RBFOX1: variants seen among roughly 807,000 people sequenced by gnomAD.
RBFOX1 encodes the protein RNA binding protein fox-1 homolog 1.
RBFOX1 carries 8 observed loss-of-function variants against 57.7 expected under a neutral mutation model. The ratio of observed to expected loss-of-function variants is 0.14; its 90% CI spans 0.08 to 0.25. The LOEUF is 0.25. Ranked by LOEUF, RBFOX1 falls within the 10% of genes least tolerant of loss-of-function variation. RBFOX1 has a pLI of 1.00. For synonymous variants in RBFOX1, 326 were observed against 222.4 expected (o/e 1.47, Z -4.15); for missense variants, 611 against 548.5 (o/e 1.11, Z -1.14).
rs537582848 is a variant in RBFOX1, at chr16:7,380,689, G to C, written c.28-137458G>C. ...TTGTCTTTGCTAGGACGATAACCCA[G>C]TCGTTTCATACAACTGTTTTCGTTT... On this transcript the variant is annotated intron_variant, in intron 4 of 15. Coordinates refer to ENST00000550418, the MANE Select transcript of RBFOX1 (RefSeq NM_018723.4). 1.1e-4 allele frequency among the ~76,000 whole-genome samples: 16 copies of C among 152,330 alleles called. 1 individual carries two copies. The highest frequency in any genetic ancestry group is 3.4e-3 in the Middle Eastern group (1 of 294).
At chr16:5,521,802 C>T (rs1049975934) in intron 2 of RBFOX1, among the ~76,000 whole-genome samples, 1 of 152,222 alleles carries the variant, frequency 6.6e-6, no homozygotes, top group African/African-American at 2.4e-5. Flanking sequence ...CTATTCTTCT[C>T]CAACATGTCT....
intron 1 of RBFOX1, among the ~76,000 whole-genome samples, chr16:6,049,913 T>C (rs139204525): frequency 6.6e-6 from 1 of 151,854 alleles, no homozygotes; most frequent in African/African-American, 2.4e-5. Flanking sequence ...GATTGATATA[T>C]CTTTAAAAGG....
intron 4 of RBFOX1, among the ~76,000 whole-genome samples, chr16:7,053,168 GT>G: frequency 6.6e-6 from 1 of 152,150 alleles, no homozygotes; most frequent in Non-Finnish European, 1.5e-5. Context: ...TTGGCATCAG[GT>G]TTGTGAAGTA....
intron 2 of RBFOX1, among the ~76,000 whole-genome samples, chr16:6,555,308 T>C (rs928230728): frequency 6.6e-6 from 1 of 152,180 alleles, no homozygotes; most frequent in Non-Finnish European, 1.5e-5. Flanking sequence ...TCAATAGTTA[T>C]AAAACCCATC....
intron 3 of RBFOX1, among the ~76,000 whole-genome samples, chr16:6,928,785 G>C (rs150458939): frequency 6.6e-6 from 1 of 151,940 alleles, no homozygotes; most frequent in African/African-American, 2.4e-5. Flanking sequence ...ATTTCTTTCC[G>C]CTATGAAAAG....
chr16:5,651,693 C>A (rs1408093170), intron 3 of RBFOX1, among the ~76,000 whole-genome samples: 1 of 152,204 alleles, frequency 6.6e-6, no homozygotes, highest in Non-Finnish European at 1.5e-5. Flanking sequence ...CTAACTGATT[C>A]CGCATGGATA....
chr16:6,219,825 G>A (rs1469678300), intron 1 of RBFOX1, among the ~76,000 whole-genome samples: 2 of 152,118 alleles, frequency 1.3e-5, no homozygotes, highest in African/African-American at 4.8e-5. Context: ...GCAGTGAGCC[G>A]AGATTATGCT....
intron 3 of RBFOX1, among the ~76,000 whole-genome samples, chr16:5,649,515 GT>G (rs1252009038): frequency 6.6e-6 from 1 of 152,152 alleles, no homozygotes; most frequent in Non-Finnish European, 1.5e-5. Context: ...CACATTGGCA[GT>G]TGTTATTGGT....
intron 1 of RBFOX1, among the ~76,000 whole-genome samples, chr16:5,268,648 C>G (rs1047915470): frequency 2.0e-5 from 3 of 152,310 alleles, no homozygotes; most frequent in Non-Finnish European, 4.4e-5. Flanking sequence ...GCACTAGAGA[C>G]CAGTCAATGT....
intron 1 of RBFOX1, among the ~76,000 whole-genome samples, chr16:5,374,166 G>C (rs1254376222): frequency 6.6e-6 from 1 of 152,234 alleles, no homozygotes; most frequent in Non-Finnish European, 1.5e-5. Context: ...TTGAACTCCT[G>C]AGCTCAGCTG....
At chr16:6,704,690 A>T (rs1261466416) in intron 3 of RBFOX1, 2 of 152,250 alleles carry the variant, frequency 1.3e-5, no homozygotes, top group African/African-American at 4.8e-5. Flanking sequence ...TCCCAAATCC[A>T]TATATTATTT....
At chr16:5,358,039 G>T (rs984935010) in intron 1 of RBFOX1, among the ~76,000 whole-genome samples, 2 of 152,292 alleles carry the variant, frequency 1.3e-5, no homozygotes, top group East Asian at 3.9e-4. Flanking sequence ...TTTTCACATT[G>T]TTCAGGAGGC....
intron 4 of RBFOX1, among the ~76,000 whole-genome samples, chr16:7,303,263 C>A (rs141500759): frequency 2.0e-5 from 3 of 152,220 alleles, no homozygotes; most frequent in Non-Finnish European, 4.4e-5. Flanking sequence ...ATCGGCGCTT[C>A]GGTGCTCTGC....
intron 4 of RBFOX1, among the ~76,000 whole-genome samples, chr16:7,363,375 C>T (rs2097367971): frequency 1.3e-5 from 2 of 152,102 alleles, no homozygotes; most frequent in African/African-American, 4.8e-5. Flanking sequence ...GGGGGTAAAA[C>T]AAAGCCAATT....
chr16:6,388,893 G>A (rs1442443704), intron 2 of RBFOX1, among the ~76,000 whole-genome samples: 1 of 152,320 alleles, frequency 6.6e-6, no homozygotes, highest in South Asian at 2.1e-4. Flanking sequence ...ACTCACAGAA[G>A]CAGAGAGTAG....
At chr16:5,289,542 C>T (rs115261807) in intron 1 of RBFOX1, 55 of 182,500 alleles carry the variant, frequency 3.0e-4, no homozygotes, top group African/African-American at 1.3e-3. Flanking sequence ...TTGTCTAAAT[C>T]TGTGGTATTA....
At chr16:6,896,980 A>T (rs2067089843) in intron 3 of RBFOX1, among the ~76,000 whole-genome samples, 1 of 152,174 alleles carries the variant, frequency 6.6e-6, no homozygotes, top group South Asian at 2.1e-4. Flanking sequence ...CGTCTAAGGA[A>T]ATGTCGTGGC....
chr16:5,945,939 G>A (rs1057383826), intron 4 of RBFOX1, among the ~76,000 whole-genome samples: 5 of 152,192 alleles, frequency 3.3e-5, no homozygotes, highest in Non-Finnish European at 7.3e-5. Flanking sequence ...GGATTGGTGT[G>A]CTTCACATCC....
intron 4 of RBFOX1, among the ~76,000 whole-genome samples, chr16:7,252,568 A>G (rs2094533912): frequency 1.3e-5 from 2 of 152,228 alleles, no homozygotes; most frequent in South Asian, 4.1e-4. Flanking sequence ...ATCATCCAAT[A>G]TAACAGCAAT....
Sources: allele counts gnomAD v4.1 joint callset (sites outside exome capture counted in the v4.1 genomes callset), GRCh38; gene constraint gnomAD v4.1.1; transcripts MANE v1.5; gene names NCBI Gene and HGNC (gene_info 2026-07-23, HGNC 2026-07-21).